The following BCKDHB variants were observed in gnomAD, a reference collection of about 807,000 sequenced individuals.
BCKDHB encodes branched chain keto acid dehydrogenase E1 subunit beta.
Under a neutral mutation model 48.5 loss-of-function variants are expected in BCKDHB, and 41 were observed. That is an observed-to-expected ratio of 0.85 (90% CI 0.66 to 1.10). The LOEUF (loss-of-function observed/expected upper bound fraction) is 1.10, where lower values mean the gene tolerates loss of function less well. Ranked by LOEUF, BCKDHB falls within the 50% of genes least tolerant of loss-of-function variation. BCKDHB has a pLI of 0.00. For missense variants in BCKDHB, 496 were observed against 494.2 expected (o/e 1.00, Z -0.03); for synonymous variants, 201 against 174.8 (o/e 1.15, Z -1.18).
intron 8 of BCKDHB, among the ~76,000 whole-genome samples, chr6:80,213,667 TG>T (rs1775044036): frequency 7.1e-6 from 1 of 140,952 alleles, no homozygotes; most frequent in African/African-American, 3.2e-5. Context: ...TGTTTTTTTT[TG>T]TTTTTTTTTT....
chr6:80,166,134 A>G (rs764160583), intron 3 of BCKDHB, among the ~76,000 whole-genome samples: 5 of 152,238 alleles, frequency 3.3e-5, no homozygotes, highest in African/African-American at 1.2e-4. Flanking sequence ...GTTTATGCCT[A>G]CTTTTGGCCC....
At chr6:80,209,302 A>G (rs1267795338) in intron 8 of BCKDHB, among the ~76,000 whole-genome samples, 1 of 151,952 alleles carries the variant, frequency 6.6e-6, no homozygotes, top group Admixed American at 6.6e-5. Flanking sequence ...TACACAGAAA[A>G]TCACAGAATA....
intron 3 of BCKDHB, among the ~76,000 whole-genome samples, chr6:80,132,458 A>G (rs1240693555): frequency 6.6e-6 from 1 of 152,188 alleles, no homozygotes; most frequent in African/African-American, 2.4e-5. Context: ...ACAGTGTCCT[A>G]CTGTCTCAGG....
intron 8 of BCKDHB, among the ~76,000 whole-genome samples, chr6:80,268,346 T>A (rs1361631753): frequency 2.0e-5 from 3 of 152,100 alleles, no homozygotes. Context: ...TGCTATGATT[T>A]TACCATTAGT....
chr6:80,436,084 C>T, the BCKDHB span, among the ~76,000 whole-genome samples: 1 of 150,288 alleles, frequency 6.7e-6, no homozygotes, highest in South Asian at 2.1e-4. Context: ...TTGGCAAGAT[C>T]CTATTTTATA....
At chr6:80,414,109 G>T in the BCKDHB span, among the ~76,000 whole-genome samples, 1 of 151,842 alleles carries the variant, frequency 6.6e-6, no homozygotes. Context: ...TTTTTTAAAA[G>T]TGTCTGTGTA....
At chr6:80,212,146 A>G (rs1414873710) in intron 8 of BCKDHB, among the ~76,000 whole-genome samples, 1 of 152,138 alleles carries the variant, frequency 6.6e-6, no homozygotes, top group African/African-American at 2.4e-5. Context: ...TAAGCATCTT[A>G]AACAACAGAA....
At chr6:80,216,921 G>C (rs1381961852) in intron 8 of BCKDHB, among the ~76,000 whole-genome samples, 2 of 152,094 alleles carry the variant, frequency 1.3e-5, no homozygotes, top group African/African-American at 4.8e-5. Context: ...ATGTACAAAG[G>C]TTTAACAAAA....
intron 1 of BCKDHB, among the ~76,000 whole-genome samples, chr6:80,122,972 C>A (rs1052051454): frequency 7.0e-6 from 1 of 143,066 alleles, no homozygotes; most frequent in Non-Finnish European, 1.5e-5. Context: ...CCCCCCCTCC[C>A]CCCCGGCCCC....
chr6:80,107,548 C>CAT (rs1229788994), intron 1 of BCKDHB, among the ~76,000 whole-genome samples: 3 of 82,084 alleles, frequency 3.7e-5, no homozygotes, highest in Non-Finnish European at 7.0e-5. Context: ...TATATGCACA[C>CAT]ATATATATGC....
At chr6:80,410,276 C>G in the BCKDHB span, among the ~76,000 whole-genome samples, 2 of 152,170 alleles carry the variant, frequency 1.3e-5, no homozygotes, top group Non-Finnish European at 2.9e-5. Flanking sequence ...ATACTGGCCC[C>G]CACATTCTTC....
chr6:80,420,720 T>C, the BCKDHB span, among the ~76,000 whole-genome samples: 1 of 152,184 alleles, frequency 6.6e-6, no homozygotes, highest in East Asian at 1.9e-4. Context: ...CTGTCCCTTC[T>C]CCTTGCTTTC....
intron 1 of BCKDHB, among the ~76,000 whole-genome samples, chr6:80,125,786 C>T (rs1770311717): frequency 6.6e-6 from 1 of 152,024 alleles, no homozygotes; most frequent in Admixed American, 6.6e-5. Flanking sequence ...AAGGCTGTGG[C>T]ACCCCAAGAC....
chr6:80,330,607 G>T (rs1040595), intron 9 of BCKDHB, among the ~76,000 whole-genome samples: 117,962 of 152,030 alleles, frequency 0.78, 46,140 homozygotes, highest in Admixed American at 0.84. Flanking sequence ...GACAAAGCTG[G>T]CAAATACCTC....
At chr6:80,310,127 T>G (rs371152315) in intron 9 of BCKDHB, among the ~76,000 whole-genome samples, 7 of 152,052 alleles carry the variant, frequency 4.6e-5, no homozygotes, top group African/African-American at 1.7e-4. Flanking sequence ...AGGGTACATG[T>G]GCAGAATGTG....
intron 8 of BCKDHB, among the ~76,000 whole-genome samples, chr6:80,235,632 C>T (rs1478371006): frequency 1.3e-5 from 2 of 152,170 alleles, no homozygotes; most frequent in Non-Finnish European, 2.9e-5. Context: ...TTGATTGCCA[C>T]ATTAATTATG....
chr6:80,237,387 C>A (rs180929794), intron 8 of BCKDHB, among the ~76,000 whole-genome samples: 2 of 152,250 alleles, frequency 1.3e-5, no homozygotes, highest in African/African-American at 4.8e-5. Context: ...ATTCTAATAA[C>A]TTAGAAGGGA....
chr6:80,423,089 T>C, the BCKDHB span, among the ~76,000 whole-genome samples: 2 of 152,142 alleles, frequency 1.3e-5, no homozygotes, highest in Non-Finnish European at 2.9e-5. Flanking sequence ...TGGTGGGTGA[T>C]GATTGTATCA....
At chr6:80,115,891 C>T (rs1275899658) in intron 1 of BCKDHB, among the ~76,000 whole-genome samples, 1 of 139,610 alleles carries the variant, frequency 7.2e-6, no homozygotes, top group Non-Finnish European at 1.5e-5. Context: ...CCCCCTCGGC[C>T]TCCCAATGCT....
Sources: allele counts gnomAD v4.1 joint callset (sites outside exome capture counted in the v4.1 genomes callset), GRCh38; gene constraint gnomAD v4.1.1; transcripts MANE v1.5; gene names NCBI Gene and HGNC (gene_info 2026-07-23, HGNC 2026-07-21).